Variants in AMOTL1 observed in about 807,000 individuals in gnomAD.
AMOTL1 encodes the protein angiomotin-like protein 1.
A neutral mutation model predicts 102.9 loss-of-function variants in AMOTL1; 45 were observed. That is an observed-to-expected ratio of 0.44 (90% CI 0.34 to 0.56). The LOEUF is 0.56. AMOTL1 is among the 20% of genes least tolerant of loss of function. AMOTL1 has a pLI of 0.01. For synonymous variants in AMOTL1, 481 were observed against 484.7 expected, an observed-to-expected ratio of 0.99 and a Z score of 0.10; for missense variants, 1,114 against 1,225.6, an observed-to-expected ratio of 0.91 and a Z score of 1.36.
intron 3 of AMOTL1, among the ~76,000 whole-genome samples, chr11:94,801,506 T>C (rs1951478014): frequency 6.6e-6 from 1 of 152,138 alleles, no homozygotes. Context: ...GGTAAGTGGA[T>C]GTCTAACAGC....
intron 3 of AMOTL1, among the ~76,000 whole-genome samples, chr11:94,811,650 G>A (rs1285207922): frequency 6.6e-6 from 1 of 151,780 alleles, no homozygotes; most frequent in South Asian, 2.1e-4. Flanking sequence ...GATAGAGCTG[G>A]TCAAACCCAA....
chr11:94,761,622 T>C (rs1284652749), intron 3 of AMOTL1, among the ~76,000 whole-genome samples: 1 of 152,258 alleles, frequency 6.6e-6, no homozygotes, highest in East Asian at 1.9e-4. Context: ...ATGGCTGAGA[T>C]GCAATAAATG....
intron 3 of AMOTL1, among the ~76,000 whole-genome samples, chr11:94,758,152 G>A (rs1591936336): frequency 6.6e-6 from 1 of 152,168 alleles, no homozygotes; most frequent in South Asian, 2.1e-4. Flanking sequence ...TAATTTCAGG[G>A]TTTTTTGAGG....
intron 1 of AMOTL1, among the ~76,000 whole-genome samples, chr11:94,724,915 C>T (rs1422383025): frequency 6.6e-6 from 1 of 152,100 alleles, no homozygotes; most frequent in Non-Finnish European, 1.5e-5. Context: ...AATATGCTAC[C>T]TGATTCCCCA....
chr11:94,835,386 G>T (rs1453350901), intron 6 of AMOTL1, among the ~76,000 whole-genome samples: 1 of 152,208 alleles, frequency 6.6e-6, no homozygotes, highest in Admixed American at 6.5e-5. Context: ...GCTAAAGGCA[G>T]AACCCCTGGA....
At chr11:94,784,057 A>G (rs1951147619) in intron 1 of AMOTL1, among the ~76,000 whole-genome samples, 11 of 152,072 alleles carry the variant, frequency 7.2e-5, no homozygotes, top group Admixed American at 6.5e-4. Flanking sequence ...AAAGAAACCT[A>G]ATTCTCAGGA....
At chr11:94,789,070 G>C (rs933240848) in intron 1 of AMOTL1, among the ~76,000 whole-genome samples, 1 of 152,158 alleles carries the variant, frequency 6.6e-6, no homozygotes, top group African/African-American at 2.4e-5. Context: ...TCAGGTAATG[G>C]TTGCTTGGGG....
chr11:94,769,172 C>T (rs1950906132), intron 1 of AMOTL1, among the ~76,000 whole-genome samples: 1 of 152,248 alleles, frequency 6.6e-6, no homozygotes, highest in Non-Finnish European at 1.5e-5. Flanking sequence ...TGGAGAGTTA[C>T]ATCCAGCTCC....
At chr11:94,796,016 T>C (rs1239806437) in intron 2 of AMOTL1, among the ~76,000 whole-genome samples, 1 of 152,212 alleles carries the variant, frequency 6.6e-6, no homozygotes, top group African/African-American at 2.4e-5. Context: ...CCAACCCACA[T>C]TGATCTGTCT....
chr11:94,727,595 A>G (rs1021334057), intron 1 of AMOTL1, among the ~76,000 whole-genome samples: 1 of 152,324 alleles, frequency 6.6e-6, no homozygotes, highest in South Asian at 2.1e-4. Context: ...GGAGGCCTGA[A>G]GAGGTCTTTG....
Position 94,768,406 on chromosome 11 carries a change from G to A in AMOTL1, c.-106G>A, listed in dbSNP as rs1309138975. ...GCAGCGGTTGTCGGGTTTGGGGCTG[G>A]AGGTGAAGCCCTGTGTGAATGGGGT... On this transcript the variant is annotated 5_prime_UTR_variant, in exon 1 of 13. Coordinates refer to ENST00000433060, the MANE Select transcript of AMOTL1 (RefSeq NM_130847.3). 25 of 1,524,628 alleles carry A rather than the reference G, an allele frequency of 1.6e-5. No homozygotes were observed. The South Asian group carries it at 1.7e-4, about 10-fold the overall frequency. 94.4% of individuals were successfully genotyped at this position (1,524,628 alleles called of 1,614,324 possible). A position where few individuals can be genotyped will look rare whatever the true frequency, so the allele number is the denominator to read the frequency against.
chr11:94,846,764 T>A (rs1592029016), intron 6 of AMOTL1, among the ~76,000 whole-genome samples: 1 of 152,198 alleles, frequency 6.6e-6, no homozygotes, highest in Non-Finnish European at 1.5e-5. Context: ...CAACTTCTAT[T>A]TCTGCCATTG....
At chr11:94,762,353 C>T (rs1314372194) in intron 3 of AMOTL1, among the ~76,000 whole-genome samples, 2 of 152,094 alleles carry the variant, frequency 1.3e-5, no homozygotes, top group Admixed American at 1.3e-4. Context: ...CAATTTTGCC[C>T]CCTAGGGGAC....
chr11:94,766,208 T>C (rs72971749), upstream of AMOTL1, among the ~76,000 whole-genome samples: 1 of 152,264 alleles, frequency 6.6e-6, no homozygotes, highest in South Asian at 2.1e-4. Context: ...TTATCACCTC[T>C]GTCAACCTCA....
At position 94,873,926 on chromosome 11, in the gene AMOTL1, C is replaced by T. The variant is rs1361550804; in HGVS notation, c.*3131C>T. ...TTGTGTTCCACCAGAAGCACAGCTCCAAACTATACCTAAAAAATATTTCTG... is the reference window on the plus strand; with the variant it reads ...TTGTGTTCCACCAGAAGCACAGCTCTAAACTATACCTAAAAAATATTTCTG... On this transcript the variant is annotated 3_prime_UTR_variant, in exon 13 of 13. Transcript: ENST00000433060. 6.6e-6 allele frequency: 1 copy of T among 152,220 alleles called. No homozygotes were observed. Among genetic ancestry groups the T allele is most frequent in the Non-Finnish European group, 1.5e-5 (1 of 68,046 alleles). The allele number at this position is 152,220 out of a possible 1,614,324, so 9.4% of individuals were successfully genotyped here. A position where few individuals can be genotyped will look rare whatever the true frequency, so the allele number is the denominator to read the frequency against.
intron 4 of AMOTL1, among the ~76,000 whole-genome samples, chr11:94,826,359 A>G (rs1951963714): frequency 6.6e-6 from 1 of 152,152 alleles, no homozygotes; most frequent in African/African-American, 2.4e-5. Flanking sequence ...GTCCTCTGTA[A>G]TCATACTTTT....
At chr11:94,712,938 T>G (rs2135430738) in intron 1 of AMOTL1, among the ~76,000 whole-genome samples, 1 of 152,114 alleles carries the variant, frequency 6.6e-6, no homozygotes, top group Admixed American at 6.5e-5. Context: ...ATTTTCTACT[T>G]TTTCCTAAAA....
At chr11:94,730,222 G>C (rs1030353539) in intron 2 of AMOTL1, among the ~76,000 whole-genome samples, 1 of 152,034 alleles carries the variant, frequency 6.6e-6, no homozygotes, top group East Asian at 1.9e-4. Context: ...TGCCCCTCTA[G>C]ATTCATCTCC....
intron 2 of AMOTL1, among the ~76,000 whole-genome samples, chr11:94,796,825 G>T (rs1273578663): frequency 6.6e-6 from 1 of 151,974 alleles, no homozygotes; most frequent in Non-Finnish European, 1.5e-5. Context: ...GACAGTTCTT[G>T]CCCCAAAAAG....
Sources: allele counts gnomAD v4.1 joint callset (sites outside exome capture counted in the v4.1 genomes callset), GRCh38; gene constraint gnomAD v4.1.1; transcripts MANE v1.5; gene names NCBI Gene and HGNC (gene_info 2026-07-23, HGNC 2026-07-21).